The following SAMMSON variants were observed in gnomAD, a reference collection of about 807,000 sequenced individuals.
The protein encoded by SAMMSON is survival associated mitochondrial melanoma specific oncogenic non-coding RNA.
chr3:70,025,642 A>G (rs539077875), intron 3 of SAMMSON, among the ~76,000 whole-genome samples: 88 of 152,348 alleles, frequency 5.8e-4, no homozygotes, highest in Non-Finnish European at 8.8e-4. Flanking sequence ...ACCCTTGAAC[A>G]ACATGGGAGT....
chr3:70,093,496 T>C (rs1432167480), intron 4 of SAMMSON, among the ~76,000 whole-genome samples: 6 of 152,204 alleles, frequency 3.9e-5, no homozygotes, highest in African/African-American at 1.4e-4. Flanking sequence ...AATGACTTGC[T>C]CTGTGTTAGA....
chr3:70,082,795 T>C (rs2067271684), intron 4 of SAMMSON, among the ~76,000 whole-genome samples: 2 of 152,216 alleles, frequency 1.3e-5, no homozygotes, highest in Admixed American at 1.3e-4. Flanking sequence ...CAAATGCTGC[T>C]ATAGCATCTA....
intron 9 of SAMMSON, among the ~76,000 whole-genome samples, chr3:70,361,715 G>A (rs531203337): frequency 5.9e-5 from 9 of 152,206 alleles, no homozygotes; most frequent in East Asian, 5.8e-4. Flanking sequence ...TATTTTTAGC[G>A]TCACCAACAC....
intron 3 of SAMMSON, among the ~76,000 whole-genome samples, chr3:70,017,668 C>T (rs1299590401): frequency 6.6e-6 from 1 of 152,110 alleles, no homozygotes; most frequent in Non-Finnish European, 1.5e-5. Flanking sequence ...TGCCAGTTTT[C>T]AAAGGGAATG....
chr3:70,223,810 T>C (rs913605793), intron 4 of SAMMSON, among the ~76,000 whole-genome samples: 2 of 152,144 alleles, frequency 1.3e-5, no homozygotes, highest in Non-Finnish European at 1.5e-5. Flanking sequence ...CTTTTAATGG[T>C]TTTTCTCAGA....
intron 4 of SAMMSON, among the ~76,000 whole-genome samples, chr3:70,118,222 A>G (rs2067419453): frequency 6.6e-6 from 1 of 152,132 alleles, no homozygotes. Context: ...GTGCCTGGCC[A>G]GATAATCTTT....
At chr3:70,396,073 T>A (rs551759324) in intron 2 of SAMMSON, among the ~76,000 whole-genome samples, 3 of 152,156 alleles carry the variant, frequency 2.0e-5, no homozygotes, top group Non-Finnish European at 2.9e-5. Flanking sequence ...CCTTTAAAAT[T>A]TGATCTCTAG....
intron 4 of SAMMSON, among the ~76,000 whole-genome samples, chr3:70,122,146 T>C (rs2067437229): frequency 6.6e-6 from 1 of 152,226 alleles, no homozygotes; most frequent in African/African-American, 2.4e-5. Flanking sequence ...TACTATGCAG[T>C]CTATAATCAG....
intron 4 of SAMMSON, among the ~76,000 whole-genome samples, chr3:70,083,528 A>G (rs2067274173): frequency 6.6e-6 from 1 of 152,202 alleles, no homozygotes; most frequent in African/African-American, 2.4e-5. Flanking sequence ...CAAAGACAGC[A>G]TCAGGACCTT....
At chr3:70,125,801 TTTTGGGTC>T in intron 4 of SAMMSON, 1 of 658,276 alleles carries the variant, frequency 1.5e-6, no homozygotes, top group Non-Finnish European at 2.7e-6. Context: ...TGCCTTATTG[TTTTGGGTC>T]TTTGGGGCTG....
At chr3:70,034,536 G>C (rs955858436) in intron 3 of SAMMSON, among the ~76,000 whole-genome samples, 1 of 152,112 alleles carries the variant, frequency 6.6e-6, no homozygotes, top group African/African-American at 2.4e-5. Flanking sequence ...CTGGAGTGCA[G>C]AGAAATGCCA....
intron 4 of SAMMSON, among the ~76,000 whole-genome samples, chr3:70,115,842 A>T (rs1328333626): frequency 1.3e-5 from 2 of 152,172 alleles, no homozygotes; most frequent in Non-Finnish European, 2.9e-5. Context: ...TTCAAAAGAA[A>T]TCACTGAATT....
Position 70,412,630 on chromosome 3 carries a change from C to A in SAMMSON, n.234-49930C>A, listed in dbSNP as rs140493543. Among the ~76,000 whole-genome samples the A allele has an allele frequency of 6.6e-4, 100 of 152,258 alleles. 2 individuals carry two copies. Among genetic ancestry groups the A allele is most frequent in the African/African-American group, 2.3e-3 (95 of 41,572 alleles). On this transcript the variant is annotated intron_variant and non_coding_transcript_variant, in intron 2 of 3. Coordinates refer to the SAMMSON transcript ENST00000641053. Reference sequence around the variant, plus strand: ...CAACAGCACATTCATGGTATTTTAACACGATATTTCCTTTTCCTGCTTTGA... The same window carrying A: ...CAACAGCACATTCATGGTATTTTAAAACGATATTTCCTTTTCCTGCTTTGA...
chr3:70,264,702 G>A (rs981882559), intron 6 of SAMMSON, among the ~76,000 whole-genome samples: 5 of 152,208 alleles, frequency 3.3e-5, no homozygotes, highest in South Asian at 2.1e-4. Flanking sequence ...GGCAGATGCA[G>A]TCCCATAATA....
chr3:70,408,560 G>C (rs956203474), intron 2 of SAMMSON, among the ~76,000 whole-genome samples: 1 of 152,124 alleles, frequency 6.6e-6, no homozygotes, highest in Non-Finnish European at 1.5e-5. Flanking sequence ...CATAACAAGA[G>C]TCACCTTTTC....
At position 70,007,583 on chromosome 3, in the gene SAMMSON, A is replaced by G. The variant is rs373983724; in HGVS notation, n.23-4774A>G. 9.4e-5 allele frequency among the ~76,000 whole-genome samples: 14 copies of G among 149,114 alleles called. No individual in the cohort carries two copies. The East Asian group carries it at 2.1e-3, about 23-fold the overall frequency. ...GAGTAGACTGCAAAAATTTTCTCCC[A>G]TTCTGTAGGTTGCATGTTCACTCTG... On this transcript the variant is annotated intron_variant and non_coding_transcript_variant, in intron 1 of 9. Transcript: ENST00000642114.
intron 3 of SAMMSON, among the ~76,000 whole-genome samples, chr3:70,060,099 A>G (rs1407656030): frequency 6.6e-6 from 1 of 152,148 alleles, no homozygotes; most frequent in Non-Finnish European, 1.5e-5. Context: ...TCTTAAAGGA[A>G]GAAGAAAATT....
intron 4 of SAMMSON, among the ~76,000 whole-genome samples, chr3:70,092,837 A>C (rs1377352992): frequency 6.6e-6 from 1 of 151,152 alleles, no homozygotes; most frequent in Non-Finnish European, 1.5e-5. Flanking sequence ...TGAGACAGAC[A>C]GGTTTAGTGA....
At chr3:70,292,649 C>T (rs1354823209) in intron 7 of SAMMSON, among the ~76,000 whole-genome samples, 1 of 152,002 alleles carries the variant, frequency 6.6e-6, no homozygotes, top group African/African-American at 2.4e-5. Flanking sequence ...TTTAAACTCC[C>T]TAATGATTGA....
Sources: gnomAD v4.1 joint callset for allele counts (sites outside exome capture counted in the v4.1 genomes callset) on GRCh38, gnomAD v4.1.1 for gene constraint, MANE v1.5 for transcripts, NCBI Gene and HGNC (gene_info 2026-07-23, HGNC 2026-07-21) for gene names.